RIMS2: variants seen among roughly 807,000 people sequenced by gnomAD.
RIMS2 encodes the protein regulating synaptic membrane exocytosis protein 2.
RIMS2 carries 59 observed loss-of-function variants against 174.4 expected under a neutral mutation model. The observed-to-expected ratio is 0.34, with a 90% confidence interval of 0.27 to 0.42. RIMS2 has a LOEUF of 0.42. RIMS2 is among the 10% of genes least tolerant of loss of function. The probability of loss-of-function intolerance (pLI) is 1.00; values close to 1 mark genes in which losing one functional copy is unlikely to be tolerated. For synonymous variants in RIMS2, 606 were observed against 572.5 expected (o/e 1.06, Z -0.84); for missense variants, 1,620 against 1,666.3 (o/e 0.97, Z 0.48).
At chr8:103,892,875 T>G (rs1381803952) in intron 4 of RIMS2, among the ~76,000 whole-genome samples, 1 of 152,054 alleles carries the variant, frequency 6.6e-6, no homozygotes. Flanking sequence ...GCCTAGATTT[T>G]AATATTTAGT....
At chr8:103,531,625 A>G (rs1159600219) in intron 1 of RIMS2, among the ~76,000 whole-genome samples, 1 of 152,214 alleles carries the variant, frequency 6.6e-6, no homozygotes, top group Non-Finnish European at 1.5e-5. Flanking sequence ...TTACATGTTT[A>G]AATGATTTTA....
intron 3 of RIMS2, among the ~76,000 whole-genome samples, chr8:103,866,133 T>A (rs575867064): frequency 6.6e-6 from 1 of 152,318 alleles, no homozygotes; most frequent in Non-Finnish European, 1.5e-5. Context: ...AAGTTCATTC[T>A]GGTGCTCCAA....
At chr8:103,955,844 A>G (rs2086999338) in intron 14 of RIMS2, among the ~76,000 whole-genome samples, 1 of 152,216 alleles carries the variant, frequency 6.6e-6, no homozygotes, top group Non-Finnish European at 1.5e-5. Flanking sequence ...TTGTGTATTT[A>G]GAAAACCCCA....
intron 19 of RIMS2, among the ~76,000 whole-genome samples, chr8:104,039,406 A>G (rs2096571763): frequency 6.6e-6 from 1 of 151,744 alleles, no homozygotes; most frequent in African/African-American, 2.4e-5. Flanking sequence ...AAATTAATTC[A>G]TGAGTGAATT....
chr8:103,915,024 G>T (rs1221649419), intron 6 of RIMS2, among the ~76,000 whole-genome samples: 1 of 151,822 alleles, frequency 6.6e-6, no homozygotes, highest in Non-Finnish European at 1.5e-5. Context: ...TTTCAAGAAA[G>T]ATCCATCATC....
rs140175362 is a variant in RIMS2 at position 103,662,559 on chromosome 8, A to G, written c.177-34527A>G. Among the ~76,000 whole-genome samples the G allele has an allele frequency of 1.7e-3, 259 of 152,294 alleles. 1 individual carries two copies. The highest frequency in any genetic ancestry group is 2.8e-3 in the Non-Finnish European group (189 of 68,022). Reference sequence around the variant, plus strand: ...GGTGGAATATTTACAATGAACTCAAATTATTCTTCTATTTATCACCATATT... The same window carrying G: ...GGTGGAATATTTACAATGAACTCAAGTTATTCTTCTATTTATCACCATATT... On this transcript the variant is annotated intron_variant, in intron 1 of 23. Coordinates refer to ENST00000504942, the Ensembl canonical transcript of RIMS2.
chr8:103,825,238 T>C (rs2098781933), intron 3 of RIMS2, among the ~76,000 whole-genome samples: 1 of 152,096 alleles, frequency 6.6e-6, no homozygotes, highest in South Asian at 2.1e-4. Flanking sequence ...GAAGGTAATC[T>C]TTTTTTGATA....
At chr8:103,892,943 T>C (rs952068048) in intron 4 of RIMS2, among the ~76,000 whole-genome samples, 3 of 151,940 alleles carry the variant, frequency 2.0e-5, no homozygotes, top group Admixed American at 6.6e-5. Flanking sequence ...TGTATACTTT[T>C]GTGGAGGATA....
exon 18 of RIMS2, chr8:104,013,512 C>G: frequency 6.2e-7 from 1 of 1,613,782 alleles, no homozygotes. Context: ...TCTCCTTGAG[C>G]GGACCACCAC....
intron 1 of RIMS2, among the ~76,000 whole-genome samples, chr8:103,584,020 AAAG>A (rs1332349247): frequency 2.0e-5 from 3 of 152,332 alleles, no homozygotes; most frequent in Non-Finnish European, 2.9e-5. Flanking sequence ...GATTTAAACT[AAAG>A]AAGACTACCT....
chr8:103,668,129 G>C (rs2096697272), intron 1 of RIMS2, among the ~76,000 whole-genome samples: 1 of 152,188 alleles, frequency 6.6e-6, no homozygotes, highest in Non-Finnish European at 1.5e-5. Flanking sequence ...ATTATTAGGA[G>C]CATAGGCCTT....
rs374105959 is a variant in RIMS2, at chr8:103,885,906, C to A, written c.1307C>A (p.Pro436His). Reference sequence around the variant, plus strand: ...ACCACAAACCATAGTCCTCCTACCCCCAGGAGGAGTCCACTACCCATAGAT... The same window carrying A: ...ACCACAAACCATAGTCCTCCTACCCACAGGAGGAGTCCACTACCCATAGAT... Residue 436 changes from proline to histidine, a missense_variant, in exon 4 of 24, where the codon CCC becomes CAC. Pro to His is a moderately conservative substitution (Grantham distance 77). Coordinates refer to ENST00000504942, the Ensembl canonical transcript of RIMS2. The A allele has an allele frequency of 1.7e-5, 28 of 1,612,376 alleles. No homozygotes were observed. In the African/African-American group the frequency reaches 3.6e-4, roughly 21 times the overall value.
At chr8:104,075,029 A>T (rs1466892706) in intron 19 of RIMS2, among the ~76,000 whole-genome samples, 1 of 152,180 alleles carries the variant, frequency 6.6e-6, no homozygotes, top group Admixed American at 6.5e-5. Context: ...TTAATTTTAC[A>T]GCAGTGATAG....
At chr8:104,229,506 C>A (rs2099211535) in intron 19 of RIMS2, among the ~76,000 whole-genome samples, 1 of 152,052 alleles carries the variant, frequency 6.6e-6, no homozygotes, top group Non-Finnish European at 1.5e-5. Flanking sequence ...TGTACCAAAC[C>A]CATGAGCAGA....
chr8:103,660,585 G>A (rs1342200725), intron 1 of RIMS2, among the ~76,000 whole-genome samples: 2 of 145,358 alleles, frequency 1.4e-5, no homozygotes, highest in African/African-American at 5.4e-5. Context: ...GCTGCTTCGT[G>A]GATAAAAACA....
In RIMS2 at chr8:103,753,248, C is replaced by T. The variant is rs962494238; in HGVS notation, c.388-12979C>T. 4.3e-4 allele frequency among the ~76,000 whole-genome samples: 65 copies of T among 152,182 alleles called. 1 individual carries two copies. The highest frequency in any genetic ancestry group is 4.1e-3 in the East Asian group (21 of 5,174). On this transcript the variant is annotated intron_variant, in intron 2 of 23. Coordinates refer to ENST00000504942, the Ensembl canonical transcript of RIMS2. ...ATGCTGGATTACATTTATTGATTTG[C>T]GTATATTGAACCAGCCTCGCATCCC...
At chr8:104,215,024 C>T (rs554409245) in intron 19 of RIMS2, among the ~76,000 whole-genome samples, 4 of 152,156 alleles carry the variant, frequency 2.6e-5, no homozygotes, top group Non-Finnish European at 5.9e-5. Flanking sequence ...CTCTTCTCTA[C>T]TGCCTTTGGT....
chr8:103,957,252 A>G (rs760664341), intron 14 of RIMS2, among the ~76,000 whole-genome samples: 10 of 152,212 alleles, frequency 6.6e-5, no homozygotes, highest in Non-Finnish European at 1.5e-5. Flanking sequence ...ATTACTGGTT[A>G]TATACCCAAA....
chr8:104,124,116 A>G (rs910278871), intron 19 of RIMS2, among the ~76,000 whole-genome samples: 5 of 152,180 alleles, frequency 3.3e-5, no homozygotes, highest in Admixed American at 6.6e-5. Flanking sequence ...TCATGTCTAT[A>G]TATGAGAGAA....
Sources: gnomAD v4.1 joint callset for allele counts (sites outside exome capture counted in the v4.1 genomes callset) on GRCh38, gnomAD v4.1.1 for gene constraint, MANE v1.5 for transcripts, NCBI Gene and HGNC (gene_info 2026-07-23, HGNC 2026-07-21) for gene names.